The following PLA2G4F variants were observed in gnomAD, a reference collection of about 807,000 sequenced individuals.
PLA2G4F encodes the protein cytosolic phospholipase A2 zeta.
A neutral mutation model predicts 103.1 loss-of-function variants in PLA2G4F; 105 were observed. That is an observed-to-expected ratio of 1.02 (90% confidence interval 0.87 to 1.20). PLA2G4F has a LOEUF of 1.20. Among genes scored for constraint, PLA2G4F ranks in the 50% most tolerant of loss-of-function variants. The pLI, the probability that PLA2G4F is intolerant of heterozygous loss-of-function variation, is 0.00. For missense variants in PLA2G4F, 1,155 were observed against 1,075.9 expected (o/e 1.07, Z -1.03); for synonymous variants, 468 against 441.1 (o/e 1.06, Z -0.76).
rs371889132 is a variant in PLA2G4F, at chr15:42,145,505, T to C, written c.1780+70A>G. The C allele has an allele frequency of 1.5e-4, 220 of 1,462,338 alleles. 4 individuals carry two copies. In the East Asian group the frequency reaches 1.6e-3, roughly 10 times the overall value. The allele number at this position is 1,462,338 out of a possible 1,614,324, so 90.6% of individuals were successfully genotyped here. A position where few individuals can be genotyped will look rare whatever the true frequency, so the allele number is the denominator to read the frequency against. On this transcript the variant is annotated intron_variant, in intron 16 of 19. Transcript: ENST00000397272. ...AGTCCTTCTCTGTCCCCTCCCTCAT[T>C]CTTCTTGTCTCTGCCAGGGCCCTGT...
chr15:42,153,696 G>C (rs777146420), intron 4 of PLA2G4F, 36 bp from the exon 5 acceptor site: 1 of 1,612,174 alleles, frequency 6.2e-7, no homozygotes, highest in South Asian at 1.1e-5. Context: ...ATTTTTTCAA[G>C]GCTCCAAAAG....
chr15:42,140,669 A>G lies in PLA2G4F; in HGVS notation c.*1315T>C, dbSNP rs1464697385. ...GCTGGGCTCCAGTCACCCTTCCCCAACCTGGAAACCAGAACTAGTCTTCTT... is the reference window on the plus strand; with the variant it reads ...GCTGGGCTCCAGTCACCCTTCCCCAGCCTGGAAACCAGAACTAGTCTTCTT... On this transcript the variant is annotated 3_prime_UTR_variant, in exon 20 of 20. Coordinates refer to ENST00000397272, the MANE Select transcript of PLA2G4F (RefSeq NM_213600.4). 1.3e-5 allele frequency: 2 copies of G among 152,922 alleles called. No individual in the cohort carries two copies. The highest frequency in any genetic ancestry group is 4.8e-5 in the African/African-American group (2 of 41,434). The allele number at this position is 152,922 out of a possible 1,614,324, so 9.5% of individuals were successfully genotyped here.
chr15:42,154,603 G>A, intron 2 of PLA2G4F, 145 bp from the exon 3 acceptor site: 1 of 853,280 alleles, frequency 1.2e-6, no homozygotes, highest in Non-Finnish European at 1.7e-6. Context: ...GGTGGAGGGA[G>A]AGCCTTGATG....
At chr15:42,148,764 A>G (rs566159091) in intron 11 of PLA2G4F, 3 of 985,274 alleles carry the variant, frequency 3.0e-6, no homozygotes, top group South Asian at 4.7e-5. Context: ...TAGCTTTCCC[A>G]GTAAGATTTG....
Position 42,144,595 on chromosome 15 carries a change from C to A in PLA2G4F, c.1830G>T (p.Arg610Ser), listed in dbSNP as rs779292135. The A allele has an allele frequency of 2.6e-5, 42 of 1,612,136 alleles. No individual in the cohort carries two copies. Among genetic ancestry groups the A allele is most frequent in the Non-Finnish European group, 2.5e-5 (29 of 1,179,008 alleles). Residue 610 changes from arginine (R) to serine (S), a missense_variant, in exon 17 of 20, where the codon AGG becomes AGT. Physicochemically the swap from Arg to Ser is moderately radical, Grantham distance 110. Transcript: ENST00000397272. ...AGAAGGGCCCCTGTGGGGTGAGGAGCCTCGTTCGCAGCCTCGAGGGGTTGT... is the reference window on the plus strand; with the variant it reads ...AGAAGGGCCCCTGTGGGGTGAGGAGACTCGTTCGCAGCCTCGAGGGGTTGT... The part of the protein sequence containing the change: ...QLHNPSRLRT[R>S]LLTPQGPFSQ...
At position 42,154,225 on chromosome 15, in the gene PLA2G4F, G is replaced by A. The variant is rs1374803760; in HGVS notation, c.322-5C>T. The A allele has an allele frequency of 2.5e-6, 4 of 1,614,080 alleles. No homozygotes were observed. The highest frequency in any genetic ancestry group is 3.4e-6 in the Non-Finnish European group (4 of 1,180,040). On this transcript the variant is annotated splice_polypyrimidine_tract_variant and splice_region_variant and intron_variant, in intron 3 of 19. Transcript: ENST00000397272. Reference sequence around the variant, plus strand: ...GAGGGTGAGCTCCAGGACGTTCTGGGGACAAGGCAGGCAGGAGGTCCGAGC... The same window carrying A: ...GAGGGTGAGCTCCAGGACGTTCTGGAGACAAGGCAGGCAGGAGGTCCGAGC...
chr15:42,149,993 A>T (rs2048938363), intron 10 of PLA2G4F, 111 bp downstream of exon 10: 11 of 1,547,748 alleles, frequency 7.1e-6, no homozygotes, highest in Non-Finnish European at 5.4e-6. Flanking sequence ...GAAAAATGTC[A>T]TCCCCACCCC....
chr15:42,146,922 G>C (rs566694809), intron 13 of PLA2G4F: 60 of 583,866 alleles, frequency 1.0e-4, no homozygotes, highest in African/African-American at 1.0e-3. Context: ...TGCGGACCAG[G>C]CTCCTCCTCC....
In PLA2G4F at chr15:42,141,325, A is replaced by C. The variant is rs1380807840; in HGVS notation, c.*659T>G. ...GCAGGGAGACACGCGCACATCTCCC[A>C]CCTGGAGCAGCCAGAATGGGACATC... On this transcript the variant is annotated 3_prime_UTR_variant, in exon 20 of 20. Coordinates refer to ENST00000397272, the MANE Select transcript of PLA2G4F (RefSeq NM_213600.4). 4.4e-6 allele frequency: 2 copies of C among 456,654 alleles called. No homozygotes were observed. Among genetic ancestry groups the C allele is most frequent in the Non-Finnish European group, 8.8e-6 (2 of 226,958 alleles). The allele number at this position is 456,654 out of a possible 1,614,324, so 28.3% of individuals were successfully genotyped here. A position where few individuals can be genotyped will look rare whatever the true frequency, so the allele number is the denominator to read the frequency against.
Position 42,144,123 on chromosome 15 carries a change from G to A in PLA2G4F, c.1997C>T (p.Pro666Leu). 1.2e-6 allele frequency: 2 copies of A among 1,612,350 alleles called. No individual in the cohort carries two copies. Among genetic ancestry groups the A allele is most frequent in the Non-Finnish European group, 1.7e-6 (2 of 1,179,292 alleles). ...AWKDTHPDAF[P>L]NQLTPMRDCL... The stretch of plus-strand genomic sequence containing the variant: ...GTCCCGCATGGGGGTGAGCTGGTTG[G>A]GGAAGGCGTCCGGGTGTGTGTCTGC... Residue 666 changes from proline (P) to leucine (L), a missense_variant, in exon 18 of 20, where the codon CCC (proline) becomes CTC (leucine). Physicochemically the swap from Pro to Leu is moderately conservative, Grantham distance 98. This residue lies in a region of PLA2G4F where 782 missense variants were observed against 692.9 expected (regional missense o/e 1.13). Transcript: ENST00000397272.
chr15:42,142,688 G>A lies in PLA2G4F; in HGVS notation c.2169C>T (p.Cys723=), dbSNP rs368905823. 3 of 1,614,074 alleles carry A rather than the reference G, an allele frequency of 1.9e-6. No homozygotes were observed. The highest frequency in any genetic ancestry group is 1.1e-5 in the South Asian group (1 of 91,072). Residue 723 remains cysteine (C), a synonymous_variant, in exon 19 of 20, where the codon TGC becomes TGT. Transcript: ENST00000397272. ...TAGGGAAGGGGATTCCTCGGTCCAG[G>A]CAGTACTTCTCTGTCATCTTCAAGA... ...FEVLKMTEKY[C]LDRGIPFPSI... is the part of the protein sequence containing the mutation.
intron 7 of PLA2G4F, 143 bp from the exon 8 acceptor site, chr15:42,150,920 GCACTGCTCATAGAGAAAGCCTCTGGA>G: frequency 6.9e-7 from 1 of 1,453,632 alleles, no homozygotes; most frequent in Non-Finnish European, 9.0e-7. Context: ...TCTCTCTTGA[GCACTGCTCATAGAGAAAGCCTCTGGA>G]AGGACTCTTG....
In PLA2G4F at chr15:42,147,239, G is replaced by A. The variant is rs1468169594; in HGVS notation, c.1304C>T (p.Ser435Phe). Residue 435 changes from serine (S) to phenylalanine (F), a missense_variant, in exon 13 of 20, where the codon TCC becomes TTC. Physicochemically the swap from Ser to Phe is radical, Grantham distance 155. Transcript: ENST00000397272. ...HVCSSKMGAL[S>F]TERLQYYTQE... is the part of the protein sequence containing the mutation. The stretch of plus-strand genomic sequence containing the variant: ...AGTGTAGTACTGTAGCCGCTCCGTG[G>A]ACAAAGCTCCCATCTTACTGCTGCA... The A allele has an allele frequency of 6.2e-7, 1 of 1,612,646 alleles. No individual in the cohort carries two copies. Among genetic ancestry groups the A allele is most frequent in the East Asian group, 2.2e-5 (1 of 44,862 alleles).
At chr15:42,153,262 C>A in intron 6 of PLA2G4F, 38 bp downstream of exon 6, 1 of 1,599,468 alleles carries the variant, frequency 6.3e-7, no homozygotes, top group Non-Finnish European at 8.5e-7. Flanking sequence ...CACTGCCCCC[C>A]AGCCCAGAAC....
chr15:42,141,750 A>G lies in PLA2G4F; in HGVS notation c.*234T>C. 1 of 630,140 alleles carries G rather than the reference A, an allele frequency of 1.6e-6. No homozygotes were observed. Among genetic ancestry groups the G allele is most frequent in the South Asian group, 1.6e-5 (1 of 61,192 alleles). 39.0% of individuals were successfully genotyped at this position (630,140 alleles called of 1,614,324 possible). A position where few individuals can be genotyped will look rare whatever the true frequency, so the allele number is the denominator to read the frequency against. Reference sequence around the variant, plus strand: ...TGTTCTCTTCTGCCCTACATCCCCAAGAGTCCCTGGAGCGATCTACTGCCC... The same window carrying G: ...TGTTCTCTTCTGCCCTACATCCCCAGGAGTCCCTGGAGCGATCTACTGCCC... On this transcript the variant is annotated 3_prime_UTR_variant, in exon 20 of 20. Coordinates refer to ENST00000397272, the MANE Select transcript of PLA2G4F (RefSeq NM_213600.4).
rs1465457148 is a variant in PLA2G4F at position 42,141,238 on chromosome 15, G to A, written c.*746C>T. ...TGGTGAGACTATATTTGCATGATGTGGCCACTACACACATCACCAGAGACT... is the reference window on the plus strand; with the variant it reads ...TGGTGAGACTATATTTGCATGATGTAGCCACTACACACATCACCAGAGACT... On this transcript the variant is annotated 3_prime_UTR_variant, in exon 20 of 20. Transcript: ENST00000397272. 4.4e-6 allele frequency: 2 copies of A among 456,676 alleles called. No homozygotes were observed. Among genetic ancestry groups the A allele is most frequent in the Non-Finnish European group, 8.8e-6 (2 of 226,980 alleles). 28.3% of individuals were successfully genotyped at this position (456,676 alleles called of 1,614,324 possible). A position where few individuals can be genotyped will look rare whatever the true frequency, so the allele number is the denominator to read the frequency against.
chr15:42,147,274 C>T lies in PLA2G4F; in HGVS notation c.1269G>A (p.Gln423=), dbSNP rs367756743. The stretch of plus-strand genomic sequence containing the variant: ...CCATCTTACTGCTGCAGACGTGAAC[C>T]TGGGCACGCTCAATGGGGCCCTGCA... ...VALQGPIERA[Q]VHVCSSKMGA... Residue 423 remains glutamine, a synonymous_variant, in exon 13 of 20, where the codon CAG becomes CAA. Coordinates refer to ENST00000397272, the MANE Select transcript of PLA2G4F (RefSeq NM_213600.4). 4 of 1,611,552 alleles carry T rather than the reference C, an allele frequency of 2.5e-6. No homozygotes were observed. The highest frequency in any genetic ancestry group is 2.2e-5 in the South Asian group (2 of 91,014).
chr15:42,154,332 C>A lies in PLA2G4F; in HGVS notation c.311G>T (p.Gly104Val). ...CTGGCTGGCCCTCACCTTCACAGCA[C>A]CATGGATCTGGTAGTGGAAGGTCTC... The part of the protein sequence containing the change: ...WNETFHYQIH[G>V]AVKNVLELTL... The change falls in exon 3 of 20, where the codon GGT becomes GTT. Residue 104 changes from glycine to valine, a missense_variant. Around this residue, in one of 3 missense-constraint regions of PLA2G4F, gnomAD observed 370 missense variants for 364.9 expected, o/e 1.01. Coordinates refer to ENST00000397272, the MANE Select transcript of PLA2G4F (RefSeq NM_213600.4). The A allele has an allele frequency of 6.2e-7, 1 of 1,609,134 alleles. No individual in the cohort carries two copies. Among genetic ancestry groups the A allele is most frequent in the Non-Finnish European group, 8.5e-7 (1 of 1,176,610 alleles).
Position 42,147,304 on chromosome 15 carries a change from C to T in PLA2G4F, c.1239G>A (p.Val413=). The change falls in exon 13 of 20, where the codon GTG becomes GTA. Residue 413 remains valine, a synonymous_variant. Transcript: ENST00000397272. ...CACGCTCAATGGGGCCCTGCAAGGC[C>T]ACCTGGGACCAGGCTGGGTCCCTGT... ...TLYRDPAWSQ[V]ALQGPIERAQ... The T allele has an allele frequency of 1.2e-6, 2 of 1,610,114 alleles. No homozygotes were observed. The highest frequency in any genetic ancestry group is 1.7e-6 in the Non-Finnish European group (2 of 1,179,974).
Sources: allele counts gnomAD v4.1 joint callset, GRCh38; gene constraint gnomAD v4.1.1; regional missense constraint gnomAD v4.1.1; transcripts MANE v1.5; gene names NCBI Gene and HGNC (gene_info 2026-07-23, HGNC 2026-07-21).